AGBL3: variants seen among roughly 807,000 people sequenced by gnomAD.
AGBL3 encodes AGBL carboxypeptidase 3.
Under a neutral mutation model 94.5 loss-of-function variants are expected in AGBL3, and 68 were observed. The ratio of observed to expected loss-of-function variants is 0.72; its 90% CI spans 0.59 to 0.88. The LOEUF (loss-of-function observed/expected upper bound fraction) is 0.88, where lower values mean the gene tolerates loss of function less well. Among genes scored for constraint, AGBL3 ranks in the 40% least tolerant of loss-of-function variants. AGBL3 has a pLI of 0.00. For missense variants in AGBL3, 934 were observed against 1,103.8 expected, an observed-to-expected ratio of 0.85 and a Z score of 2.18; for synonymous variants, 354 against 370.7, an observed-to-expected ratio of 0.95 and a Z score of 0.52.
chr7:135,108,351 T>C (rs1406560946), intron 15 of AGBL3, among the ~76,000 whole-genome samples: 1 of 152,202 alleles, frequency 6.6e-6, no homozygotes, highest in African/African-American at 2.4e-5. Context: ...TATTGGTCTT[T>C]CCTTTCCATA....
Position 135,032,841 on chromosome 7 carries a change from C to G in AGBL3, c.419-3C>G. ...CATCTTTATGATCTTCTTCTCTCATCAGCTTACAAAGAGCCCTGTTTTGTG... is the reference window on the plus strand; with the variant it reads ...CATCTTTATGATCTTCTTCTCTCATGAGCTTACAAAGAGCCCTGTTTTGTG... On this transcript the variant is annotated splice_region_variant and splice_polypyrimidine_tract_variant and intron_variant, in intron 5 of 16. Coordinates refer to ENST00000436302, the MANE Select transcript of AGBL3 (RefSeq NM_178563.4). The G allele has an allele frequency of 6.5e-7, 1 of 1,543,000 alleles. No individual in the cohort carries two copies. Among genetic ancestry groups the G allele is most frequent in the Non-Finnish European group, 8.7e-7 (1 of 1,143,812 alleles).
At chr7:135,059,275 G>A (rs748557490) in intron 12 of AGBL3, 40 bp downstream of exon 12, 74 of 1,450,050 alleles carry the variant, frequency 5.1e-5, no homozygotes, top group Admixed American at 1.9e-4. Flanking sequence ...GATATGCTGT[G>A]TAGGTACTGT....
chr7:135,051,289 T>C (rs1817852381), intron 11 of AGBL3: 1 of 181,510 alleles, frequency 5.5e-6, no homozygotes, highest in Admixed American at 6.8e-5. Flanking sequence ...ATGCAGAGTA[T>C]GATTTTGAGC....
intron 16 of AGBL3, among the ~76,000 whole-genome samples, chr7:135,117,827 G>A (rs1826544938): frequency 1.3e-5 from 2 of 152,174 alleles, no homozygotes; most frequent in Non-Finnish European, 2.9e-5. Flanking sequence ...ATCCACAAGG[G>A]TAGCACTTCC....
chr7:135,102,962 TAAGA>T lies in AGBL3; in HGVS notation c.2111-12415_2111-12412del, dbSNP rs1393728006. 3.3e-5 allele frequency among the ~76,000 whole-genome samples: 5 copies of T among 152,186 alleles called. No homozygotes were observed. The East Asian group carries it at 9.6e-4, about 29-fold the overall frequency. ...AATCATTCTCTTTAAAAGACACTGT[TAAGA>T]AAATTAAAATGCATGGGACATATTG... On this transcript the variant is annotated intron_variant, in intron 15 of 16. Transcript: ENST00000436302.
chr7:135,069,332 C>A (rs1819661692), intron 12 of AGBL3, among the ~76,000 whole-genome samples: 1 of 152,200 alleles, frequency 6.6e-6, no homozygotes, highest in South Asian at 2.1e-4. Flanking sequence ...AGAAAGTTAA[C>A]AAGGATATCC....
At chr7:135,094,321 T>C (rs1490362438) in intron 15 of AGBL3, 1 of 455,272 alleles carries the variant, frequency 2.2e-6, no homozygotes, top group Admixed American at 2.4e-5. Flanking sequence ...AGTAAACTAC[T>C]ACCCTGAAAT....
intron 15 of AGBL3, among the ~76,000 whole-genome samples, chr7:135,098,712 A>ACCT (rs1823304266): frequency 4.6e-5 from 7 of 152,206 alleles, no homozygotes; most frequent in African/African-American, 1.7e-4. Context: ...AAAGAAAGAT[A>ACCT]TCTCAAAGGC....
At chr7:135,064,618 G>C (rs1584981656) in intron 12 of AGBL3, among the ~76,000 whole-genome samples, 2 of 152,208 alleles carry the variant, frequency 1.3e-5, no homozygotes, top group East Asian at 3.8e-4. Context: ...AGTGTTAAGA[G>C]AATTTGCTGA....
Position 135,135,312 on chromosome 7 carries a change from AT to A in AGBL3, c.*52del, listed in dbSNP as rs1562914262. On this transcript the variant is annotated 3_prime_UTR_variant, in exon 17 of 17. Transcript: ENST00000436302. ...TGTGAATGAAGGATAACATATGCTT[AT>A]GTAGTAAAAAGAAAAAAAGGAAAGC... The A allele has an allele frequency of 7.3e-7, 1 of 1,378,902 alleles. No individual in the cohort carries two copies. The allele number at this position is 1,378,902 out of a possible 1,614,324, so 85.4% of individuals were successfully genotyped here. A position where few individuals can be genotyped will look rare whatever the true frequency, so the allele number is the denominator to read the frequency against.
chr7:135,009,545 T>C (rs1304279808), intron 4 of AGBL3, among the ~76,000 whole-genome samples: 1 of 152,196 alleles, frequency 6.6e-6, no homozygotes, highest in East Asian at 1.9e-4. Flanking sequence ...GGTTTTCTAC[T>C]AATGTCTTAT....
chr7:135,077,443 C>T (rs188596221), intron 13 of AGBL3, among the ~76,000 whole-genome samples: 48 of 152,276 alleles, frequency 3.2e-4, no homozygotes, highest in African/African-American at 1.1e-3. Context: ...AGTGCCATTT[C>T]CTCCATCCCC....
At chr7:135,127,867 C>T (rs1424907134) in intron 16 of AGBL3, among the ~76,000 whole-genome samples, 2 of 152,196 alleles carry the variant, frequency 1.3e-5, no homozygotes, top group African/African-American at 2.4e-5. Flanking sequence ...TATAAAGACA[C>T]ATGCACACAT....
intron 16 of AGBL3, among the ~76,000 whole-genome samples, chr7:135,131,231 C>T (rs1828713529): frequency 6.6e-6 from 1 of 152,068 alleles, no homozygotes; most frequent in African/African-American, 2.4e-5. Context: ...CCAAACACCA[C>T]ATGTTTTCAC....
chr7:135,038,376 A>T (rs1369106585), intron 8 of AGBL3, among the ~76,000 whole-genome samples: 1 of 152,248 alleles, frequency 6.6e-6, no homozygotes, highest in Non-Finnish European at 1.5e-5. Context: ...GGGAAAACCC[A>T]AACCCATAGC....
intron 12 of AGBL3, among the ~76,000 whole-genome samples, chr7:135,072,995 C>T (rs1251165241): frequency 5.9e-5 from 9 of 151,822 alleles, no homozygotes; most frequent in Admixed American, 1.3e-4. Flanking sequence ...TGTGTGTGTA[C>T]ATACTGGAAT....
At chr7:134,998,986 T>A (rs1266952529) in intron 4 of AGBL3, among the ~76,000 whole-genome samples, 1 of 152,106 alleles carries the variant, frequency 6.6e-6, no homozygotes, top group Non-Finnish European at 1.5e-5. Flanking sequence ...CACATGAAGG[T>A]ATATATGTCA....
chr7:135,029,814 G>A (rs73456230), intron 5 of AGBL3, among the ~76,000 whole-genome samples: 3,801 of 152,186 alleles, frequency 0.025, 153 homozygotes, highest in African/African-American at 0.082. Flanking sequence ...CTCCACTTGA[G>A]CACATGGAGG....
At chr7:135,050,967 G>T in intron 11 of AGBL3, 1 of 401,728 alleles carries the variant, frequency 2.5e-6, no homozygotes. Context: ...TAGTCTTACA[G>T]TTTTTTTCTC....
Sources: allele counts gnomAD v4.1 joint callset (sites outside exome capture counted in the v4.1 genomes callset), GRCh38; gene constraint gnomAD v4.1.1; transcripts MANE v1.5; gene names NCBI Gene and HGNC (gene_info 2026-07-23, HGNC 2026-07-21).